Variants in ADH7 observed in about 807,000 individuals in gnomAD.
The protein encoded by ADH7 is all-trans-retinol dehydrogenase [NAD(+)] ADH7.
A neutral mutation model predicts 34.4 loss-of-function variants in ADH7; 41 were observed. The ratio of observed to expected loss-of-function variants is 1.19; its 90% CI spans 0.93 to 1.55. The LOEUF (loss-of-function observed/expected upper bound fraction) is 1.55, where lower values mean the gene tolerates loss of function less well. Among genes scored for constraint, ADH7 ranks in the 40% most tolerant of loss-of-function variants. The probability of loss-of-function intolerance (pLI) is 0.00; values close to 1 mark genes in which losing one functional copy is unlikely to be tolerated. For synonymous variants in ADH7, 180 were observed against 160.9 expected (o/e 1.12, Z -0.90); for missense variants, 540 against 461.2 (o/e 1.17, Z -1.56).
chr4:99,420,684 T>C lies in ADH7; in HGVS notation c.674A>G (p.Asn225Ser), dbSNP rs777517716. ...CATGGCCTTCTCAAATTTGTCTTTGTTGAGGTCAATCCCAATGATCCTAGA... is the reference window on the plus strand; with the variant it reads ...CATGGCCTTCTCAAATTTGTCTTTGCTGAGGTCAATCCCAATGATCCTAGA... ...GASRIIGIDLNKDKFEKAMAV... is the reference protein window; with the variant it reads ...GASRIIGIDLSKDKFEKAMAV... The change falls in exon 6 of 9, where the codon AAC (asparagine) becomes AGC (serine). Residue 225 changes from asparagine (N) to serine (S), a missense_variant. Transcript: ENST00000437033. 1.2e-6 allele frequency: 2 copies of C among 1,613,964 alleles called. No homozygotes were observed. Among genetic ancestry groups the C allele is most frequent in the Non-Finnish European group, 1.7e-6 (2 of 1,179,926 alleles).
At position 99,426,777 on chromosome 4, in the gene ADH7, A is replaced by G. The variant is rs377310814; in HGVS notation, c.564+996T>C. On this transcript the variant is annotated intron_variant, in intron 5 of 8. Coordinates refer to ENST00000437033, the MANE Select transcript of ADH7 (RefSeq NM_000673.7). Reference sequence around the variant, plus strand: ...AACCAAAAAAGAGAATTTTAGACCAATATCCTTGATGAACATTGATGCAAA... The same window carrying G: ...AACCAAAAAAGAGAATTTTAGACCAGTATCCTTGATGAACATTGATGCAAA... 3.3e-5 allele frequency among the ~76,000 whole-genome samples: 5 copies of G among 152,334 alleles called. No homozygotes were observed. In the East Asian group the frequency reaches 9.6e-4, roughly 29 times the overall value.
At chr4:99,434,216 T>A in intron 1 of ADH7, among the ~76,000 whole-genome samples, 1 of 152,148 alleles carries the variant, frequency 6.6e-6, no homozygotes. Flanking sequence ...AAGTTGCAAA[T>A]TTTTAAGATT....
chr4:99,417,352 C>T (rs1158142758), intron 7 of ADH7, among the ~76,000 whole-genome samples: 3 of 152,136 alleles, frequency 2.0e-5, no homozygotes, highest in Non-Finnish European at 2.9e-5. Flanking sequence ...ACCTTTTCCC[C>T]GTTCTTATGG....
Position 99,427,813 on chromosome 4 carries a change from C to A in ADH7, c.524G>T (p.Gly175Val), listed in dbSNP as rs1721843670. 6.2e-7 allele frequency: 1 copy of A among 1,602,916 alleles called. No individual in the cohort carries two copies. The highest frequency in any genetic ancestry group is 1.3e-5 in the African/African-American group (1 of 74,706). ...AGCAGCGCCATATCCAGTGGAAAAC[C>A]CACAGCCAATTAAACAGACTTTCTC... ...PPEKVCLIGCGFSTGYGAAVK... is the reference protein window; with the variant it reads ...PPEKVCLIGCVFSTGYGAAVK... The change falls in exon 5 of 9, where the codon GGG becomes GTG. Residue 175 changes from glycine to valine, a missense_variant. Gly to Val is a moderately radical substitution (Grantham distance 109). Transcript: ENST00000437033.
At chr4:99,416,336 C>G (rs1227992150) in intron 7 of ADH7, among the ~76,000 whole-genome samples, 2 of 152,068 alleles carry the variant, frequency 1.3e-5, no homozygotes, top group Non-Finnish European at 2.9e-5. Context: ...TGATTACGCT[C>G]TTGCCCCCAG....
intron 5 of ADH7, among the ~76,000 whole-genome samples, chr4:99,425,587 T>C (rs1170628079): frequency 6.6e-6 from 1 of 151,670 alleles, no homozygotes; most frequent in Non-Finnish European, 1.5e-5. Flanking sequence ...ACAAAGAGAC[T>C]TAGACTCCCA....
chr4:99,425,494 C>T (rs1455889318), intron 5 of ADH7, among the ~76,000 whole-genome samples: 1 of 152,170 alleles, frequency 6.6e-6, no homozygotes. Context: ...GGGATCAATT[C>T]AACAAGAAGA....
intron 5 of ADH7, among the ~76,000 whole-genome samples, chr4:99,422,901 A>C (rs1471140258): frequency 4.8e-5 from 7 of 146,944 alleles, no homozygotes; most frequent in Non-Finnish European, 9.0e-5. Context: ...TTATACTTTA[A>C]GTTTTAGGGT....
chr4:99,415,697 T>G, intron 7 of ADH7, 81 bp from the exon 8 acceptor site: 5 of 1,398,934 alleles, frequency 3.6e-6, no homozygotes, highest in Non-Finnish European at 4.9e-6. Flanking sequence ...TTCCTTCTCT[T>G]TCCTGCACTA....
chr4:99,428,035 A>C, intron 4 of ADH7, 46 bp from the exon 5 acceptor site: 1 of 1,613,068 alleles, frequency 6.2e-7, no homozygotes, highest in Non-Finnish European at 8.5e-7. Flanking sequence ...CAATTCAAAA[A>C]TTAGCATAGG....
intron 1 of ADH7, among the ~76,000 whole-genome samples, chr4:99,433,118 T>C (rs1327246793): frequency 6.6e-6 from 1 of 152,210 alleles, no homozygotes; most frequent in Non-Finnish European, 1.5e-5. Context: ...TGTTGTGGCA[T>C]GTTTACCCAT....
chr4:99,414,587 T>C (rs1214394996), intron 8 of ADH7, among the ~76,000 whole-genome samples: 1 of 152,146 alleles, frequency 6.6e-6, no homozygotes, highest in African/African-American at 2.4e-5. Flanking sequence ...CACACCCATG[T>C]TTACCCAAAG....
At position 99,420,483 on chromosome 4, in the gene ADH7, C is replaced by A. The variant is rs1579573847; in HGVS notation, c.825+50G>T. The stretch of plus-strand genomic sequence containing the variant: ...TATAGACAATTAAATTTACCTTGTG[C>A]ATGTCTAATAACTTGGGTATTTTGT... On this transcript the variant is annotated intron_variant, in intron 6 of 8. Transcript: ENST00000437033. 5 of 1,557,442 alleles carry A rather than the reference C, an allele frequency of 3.2e-6. No homozygotes were observed. In the East Asian group the frequency reaches 1.1e-4, roughly 35 times the overall value.
chr4:99,434,916 A>C, intron 1 of ADH7: 8 of 919,740 alleles, frequency 8.7e-6, no homozygotes, highest in South Asian at 1.6e-5. Context: ...GGCTTCCTGG[A>C]GCAATTGCCC....
intron 5 of ADH7, among the ~76,000 whole-genome samples, chr4:99,422,699 AAT>A (rs1721695124): frequency 6.6e-6 from 1 of 152,114 alleles, no homozygotes; most frequent in Non-Finnish European, 1.5e-5. Context: ...TAGAAATTTG[AAT>A]CAGAAGGAGA....
intron 8 of ADH7, among the ~76,000 whole-genome samples, chr4:99,413,822 C>A (rs1721459747): frequency 6.6e-6 from 1 of 152,106 alleles, no homozygotes; most frequent in African/African-American, 2.4e-5. Context: ...AAGGAGAAAT[C>A]AAGGGTTGCA....
chr4:99,430,880 C>T lies in ADH7; in HGVS notation c.19-1247G>A, dbSNP rs547708324. Among the ~76,000 whole-genome samples the T allele has an allele frequency of 5.1e-3, 780 of 152,224 alleles. 4 individuals carry two copies. The highest frequency in any genetic ancestry group is 8.2e-3 in the Non-Finnish European group (559 of 68,014). On this transcript the variant is annotated intron_variant, in intron 1 of 8. Transcript: ENST00000437033. ...TGGCGCAATCTGGGCTCACTGCAAC[C>T]TCTGCCTCCCAGGTTCAGTGAGTCC...
At chr4:99,423,340 G>C (rs555266032) in intron 5 of ADH7, among the ~76,000 whole-genome samples, 62 of 151,148 alleles carry the variant, frequency 4.1e-4, no homozygotes, top group African/African-American at 1.0e-3. Flanking sequence ...ATAAACATAC[G>C]TGTGCATGTG....
At chr4:99,428,377 A>C (rs1721862635) in intron 3 of ADH7, 115 bp downstream of exon 3, 17 of 1,367,030 alleles carry the variant, frequency 1.2e-5, no homozygotes, top group Non-Finnish European at 1.7e-5. Context: ...GTATCCTTTT[A>C]ATTCCCTGAA....
Sources: gnomAD v4.1 joint callset for allele counts (sites outside exome capture counted in the v4.1 genomes callset) on GRCh38, gnomAD v4.1.1 for gene constraint, MANE v1.5 for transcripts, NCBI Gene and HGNC (gene_info 2026-07-23, HGNC 2026-07-21) for gene names.